Variants in WFDC1 observed in about 807,000 individuals in gnomAD.
The protein encoded by WFDC1 is WAP four-disulfide core domain 1.
Under a neutral mutation model 32.9 loss-of-function variants are expected in WFDC1, and 39 were observed. The observed-to-expected ratio is 1.19, with a 90% CI of 0.92 to 1.55. The LOEUF (loss-of-function observed/expected upper bound fraction) is 1.55, where lower values mean the gene tolerates loss of function less well. Ranked by LOEUF, WFDC1 falls within the 40% of genes most tolerant of loss-of-function variation. The pLI, the probability that WFDC1 is intolerant of heterozygous loss-of-function variation, is 0.00. For synonymous variants in WFDC1, 184 were observed against 137.4 expected, an observed-to-expected ratio of 1.34 and a Z score of -2.37; for missense variants, 386 against 309.5, an observed-to-expected ratio of 1.25 and a Z score of -1.85.
chr16:84,316,360 T>A (rs930468713), intron 2 of WFDC1: 1 of 152,250 alleles, frequency 6.6e-6, no homozygotes, highest in African/African-American at 2.4e-5. Context: ...ATTCTCTTTA[T>A]AAAGATAAAT....
intron 1 of WFDC1, among the ~76,000 whole-genome samples, chr16:84,307,590 G>A (rs1907339363): frequency 6.6e-6 from 1 of 152,194 alleles, no homozygotes; most frequent in Non-Finnish European, 1.5e-5. Context: ...GAAGTCCCAG[G>A]ACTGGGAGGC....
rs1908638896 is a variant in WFDC1, at chr16:84,326,934, T to G, written c.657T>G (p.Phe219Leu). 6.2e-7 allele frequency: 1 copy of G among 1,614,002 alleles called. No individual in the cohort carries two copies. Among genetic ancestry groups the G allele is most frequent in the Non-Finnish European group, 8.5e-7 (1 of 1,180,006 alleles). ...CTGGAAGGGGACAACAGAAGCACTT[T>G]CAGTAAAGCAACGGCAAGCAGGTGA... ...AEPGRGQQKH[F>L]Q is the part of the protein sequence containing the mutation. The change falls in exon 6 of 7, where the codon TTT becomes TTG. Residue 219 changes from phenylalanine to leucine, a missense_variant. Coordinates refer to ENST00000219454, the MANE Select transcript of WFDC1 (RefSeq NM_021197.4).
intron 1 of WFDC1, among the ~76,000 whole-genome samples, chr16:84,311,000 A>G (rs1025996962): frequency 8.5e-5 from 13 of 152,320 alleles, no homozygotes; most frequent in Admixed American, 2.0e-4. Flanking sequence ...AGCGCAAGCC[A>G]GGGTGGTTTT....
intron 1 of WFDC1, among the ~76,000 whole-genome samples, chr16:84,300,525 C>T (rs1023483749): frequency 6.6e-6 from 1 of 152,196 alleles, no homozygotes; most frequent in African/African-American, 2.4e-5. Context: ...TGAACTGTGT[C>T]CCCCCAAAGA....
chr16:84,303,353 G>T (rs193204491), intron 1 of WFDC1, among the ~76,000 whole-genome samples: 3 of 152,260 alleles, frequency 2.0e-5, no homozygotes, highest in East Asian at 1.9e-4. Context: ...AAGGAAGGGG[G>T]TGGTGAGCAC....
chr16:84,310,615 G>A (rs1008894121), intron 1 of WFDC1, among the ~76,000 whole-genome samples: 4 of 152,160 alleles, frequency 2.6e-5, no homozygotes, highest in Non-Finnish European at 5.9e-5. Context: ...ATGGTTTCTT[G>A]TGTGATCTTG....
chr16:84,317,816 T>G (rs1908050055), intron 2 of WFDC1: 2 of 176,898 alleles, frequency 1.1e-5, no homozygotes. Flanking sequence ...CAGCTATTAG[T>G]GCAGAGACAG....
chr16:84,319,351 G>A (rs1359914525), intron 3 of WFDC1, 80 bp from the exon 4 acceptor site: 1 of 1,554,298 alleles, frequency 6.4e-7, no homozygotes, highest in Admixed American at 1.8e-5. Context: ...CCCGTCCCGG[G>A]AGTCTGCCTT....
chr16:84,298,376 T>C (rs1224910480), intron 1 of WFDC1, among the ~76,000 whole-genome samples: 1 of 152,142 alleles, frequency 6.6e-6, no homozygotes, highest in Admixed American at 6.5e-5. Flanking sequence ...ATTATAGGTG[T>C]GAGCCACCGC....
chr16:84,311,249 C>CTTT (rs58268746), intron 1 of WFDC1, among the ~76,000 whole-genome samples: 297 of 145,084 alleles, frequency 2.0e-3, no homozygotes, highest in African/African-American at 6.9e-3. Context: ...AGTACTATAT[C>CTTT]TTTTTTTTTT....
At position 84,295,369 on chromosome 16, in the gene WFDC1, G is replaced by T. The variant is rs74717667; in HGVS notation, c.144+254G>T. ...TGCCAAAGAATCGTGCCTTACTTTT[G>T]CCTTGTTACAAAAGTATGCTTGCTC... On this transcript the variant is annotated intron_variant, in intron 1 of 6. Coordinates refer to ENST00000219454, the MANE Select transcript of WFDC1 (RefSeq NM_021197.4). 1.4e-3 allele frequency: 693 copies of T among 503,946 alleles called. 4 individuals carry two copies. Among genetic ancestry groups the T allele is most frequent in the African/African-American group, 0.012 (634 of 51,424 alleles). The allele number at this position is 503,946 out of a possible 1,614,324, so 31.2% of individuals were successfully genotyped here. A position where few individuals can be genotyped will look rare whatever the true frequency, so the allele number is the denominator to read the frequency against.
intron 6 of WFDC1, 85 bp downstream of exon 6, chr16:84,327,040 C>A: frequency 7.2e-7 from 1 of 1,386,530 alleles, no homozygotes; most frequent in Non-Finnish European, 1.0e-6. Context: ...GGTTGAGGAG[C>A]AGGAGGGTGA....
intron 1 of WFDC1, among the ~76,000 whole-genome samples, chr16:84,301,264 G>C (rs769340237): frequency 6.6e-6 from 1 of 152,214 alleles, no homozygotes; most frequent in Non-Finnish European, 1.5e-5. Flanking sequence ...CCCCCAGCGT[G>C]TGGCATTTTG....
At chr16:84,309,722 C>T (rs1907497650) in intron 1 of WFDC1, among the ~76,000 whole-genome samples, 1 of 152,110 alleles carries the variant, frequency 6.6e-6, no homozygotes, top group East Asian at 1.9e-4. Context: ...AGGTTCCTTC[C>T]TTGCCAATCC....
Position 84,313,986 on chromosome 16 carries a change from G to A in WFDC1, c.337+833G>A, listed in dbSNP as rs538346166. ...GAACCCAGGAGGTGGAGCTTGCAGT[G>A]AGCCAAGGTTGTGCCATTGCACTCC... On this transcript the variant is annotated intron_variant, in intron 2 of 6. Transcript: ENST00000219454. 2.0e-3 allele frequency among the ~76,000 whole-genome samples: 304 copies of A among 152,188 alleles called. 1 individual carries two copies. Among genetic ancestry groups the A allele is most frequent in the African/African-American group, 6.9e-3 (287 of 41,506 alleles).
At chr16:84,299,928 C>T (rs1906837324) in intron 1 of WFDC1, among the ~76,000 whole-genome samples, 1 of 152,236 alleles carries the variant, frequency 6.6e-6, no homozygotes, top group South Asian at 2.1e-4. Context: ...TATCTGGAGG[C>T]ACCCCCTGTG....
At chr16:84,296,394 G>T (rs1028967429) in intron 1 of WFDC1, among the ~76,000 whole-genome samples, 1 of 152,206 alleles carries the variant, frequency 6.6e-6, no homozygotes, top group Non-Finnish European at 1.5e-5. Flanking sequence ...GTACATTCTT[G>T]TGGGTGAATT....
In WFDC1 at chr16:84,295,094, G is replaced by C; in HGVS notation, c.123G>C (p.Ala41=). The change falls in exon 1 of 7, where the codon GCG becomes GCC. Residue 41 remains alanine, a synonymous_variant. Coordinates refer to ENST00000219454, the MANE Select transcript of WFDC1 (RefSeq NM_021197.4). The part of the protein sequence containing the change: ...AKNIWKRALP[A]RLAEKSRAEE... ...ATATCTGGAAACGGGCATTGCCTGC[G>C]AGGCTGGCCGAGAAATCCCGTGTAA... 1 of 1,614,084 alleles carries C rather than the reference G, an allele frequency of 6.2e-7. No individual in the cohort carries two copies. The highest frequency in any genetic ancestry group is 8.5e-7 in the Non-Finnish European group (1 of 1,179,966).
intron 2 of WFDC1, among the ~76,000 whole-genome samples, chr16:84,314,788 G>T (rs770496218): frequency 6.6e-6 from 1 of 152,182 alleles, no homozygotes; most frequent in Non-Finnish European, 1.5e-5. Flanking sequence ...ACTCCCCTCT[G>T]GGTGGACTTA....
Sources: allele counts gnomAD v4.1 joint callset (sites outside exome capture counted in the v4.1 genomes callset), GRCh38; gene constraint gnomAD v4.1.1; transcripts MANE v1.5; gene names NCBI Gene and HGNC (gene_info 2026-07-23, HGNC 2026-07-21).